IL13RA2: variants seen among roughly 807,000 people sequenced by gnomAD.
IL13RA2 encodes the protein interleukin-13 receptor subunit alpha-2.
IL13RA2 carries 25 observed loss-of-function variants against 34.1 expected under a neutral mutation model. That is an observed-to-expected ratio of 0.73 (90% CI 0.53 to 1.03). IL13RA2 has a LOEUF of 1.03. Among genes scored for constraint, IL13RA2 ranks in the 50% least tolerant of loss-of-function variants. IL13RA2 has a pLI of 0.00. For synonymous variants in IL13RA2, 106 were observed against 100.4 expected (o/e 1.06, Z -0.33); for missense variants, 297 against 280.9 (o/e 1.06, Z -0.41).
intron 7 of IL13RA2, among the ~76,000 whole-genome samples, 164 bp downstream of exon 7, chrX:115,009,357 A>G (rs1409357242): frequency 8.9e-6 from 1 of 111,771 alleles, no homozygotes; most frequent in Non-Finnish European, 1.9e-5. Flanking sequence ...GGTATCATTC[A>G]TTATACTTTT....
Position 115,017,202 on chromosome X carries a change from G to A in IL13RA2, c.68C>T (p.Thr23Ile). 2 of 934,303 alleles carry A rather than the reference G, an allele frequency of 2.1e-6. No homozygotes were observed. The highest frequency in any genetic ancestry group is 2.0e-5 in the African/African-American group (1 of 51,228). 77.0% of individuals were successfully genotyped at this position (934,303 alleles called of 1,213,427 possible). ...TTTTATCTCGGTGTCTGAAGATGAA[G>A]TACAGCCAAATGTTGTGCTTATCAG... Reference protein sequence around the residue: ...TFLISTTFGCTSSSDTEIKVN... With the variant: ...TFLISTTFGCISSSDTEIKVN... Residue 23 changes from threonine (T) to isoleucine (I), a missense_variant, in exon 2 of 10, where the codon ACT becomes ATT. Coordinates refer to ENST00000243213, the MANE Select transcript of IL13RA2 (RefSeq NM_000640.3).
intron 5 of IL13RA2, among the ~76,000 whole-genome samples, chrX:115,013,060 G>A: frequency 9.0e-6 from 1 of 111,456 alleles, no homozygotes. Flanking sequence ...CTGGGGCAAT[G>A]AGTAGACACA....
chrX:115,017,134 A>T, intron 2 of IL13RA2, 42 bp downstream of exon 2: 1 of 622,897 alleles, frequency 1.6e-6, no homozygotes, highest in South Asian at 2.4e-5. Flanking sequence ...ATTTAATTTT[A>T]CTTTTCCTAA....
At position 115,010,679 on chromosome X, in the gene IL13RA2, C is replaced by G. The variant is rs1556508602; in HGVS notation, c.671G>C (p.Arg224Thr). The stretch of plus-strand genomic sequence containing the variant: ...AAGCTGAAAAGTGAAATAACTGGAT[C>G]TGATAGGCTTGTTCTCTGATGATCC... Reference protein sequence around the residue: ...VNGSSENKPIRSSYFTFQLQN... With the variant: ...VNGSSENKPITSSYFTFQLQN... Residue 224 changes from arginine to threonine, a missense_variant, in exon 6 of 10, where the codon AGA (arginine) becomes ACA (threonine). By Grantham distance (71) the Arg-to-Thr change is moderately conservative. Transcript: ENST00000243213. The G allele has an allele frequency of 9.0e-6, 9 of 1,003,099 alleles. No homozygotes were observed. The highest frequency in any genetic ancestry group is 6.4e-5 in the South Asian group (3 of 46,913). 82.7% of individuals were successfully genotyped at this position (1,003,099 alleles called of 1,213,427 possible).
Position 115,009,631 on chromosome X carries a change from G to T in IL13RA2, c.742C>A (p.Arg248=). The change falls in exon 7 of 10, where the codon CGG becomes AGG. Residue 248 remains arginine (R), a synonymous_variant. Transcript: ENST00000243213. ...PLPPVYLTFT[R]ESSCEIKLKW... Reference sequence around the variant, plus strand: ...AGCTTAATTTCACATGAACTCTCCCGAGTAAAAGTAAGATAGACTGGCGGC... The same window carrying T: ...AGCTTAATTTCACATGAACTCTCCCTAGTAAAAGTAAGATAGACTGGCGGC... The T allele has an allele frequency of 4.2e-6, 5 of 1,204,493 alleles. No individual in the cohort carries two copies. Among genetic ancestry groups the T allele is most frequent in the Non-Finnish European group, 5.6e-6 (5 of 889,331 alleles).
At chrX:115,017,387 T>C in intron 1 of IL13RA2, 85 bp from the exon 2 acceptor site, 2 of 476,739 alleles carry the variant, frequency 4.2e-6, no homozygotes, top group Non-Finnish European at 3.7e-6. Flanking sequence ...TGGAAAGCTC[T>C]CTGTGTGCTT....
intron 5 of IL13RA2, among the ~76,000 whole-genome samples, chrX:115,012,187 C>A (rs1350728426): frequency 8.9e-6 from 1 of 112,021 alleles, no homozygotes; most frequent in African/African-American, 3.2e-5. Context: ...CTAGAACTCA[C>A]CAATAGTAAT....
At chrX:115,017,515 A>T (rs1556510479) in intron 1 of IL13RA2, 38 bp downstream of exon 1, 1 of 289,728 alleles carries the variant, frequency 3.5e-6, no homozygotes, top group East Asian at 7.8e-5. Flanking sequence ...TTACAAGAAT[A>T]AAAACAAAGC....
At position 115,005,340 on chromosome X, in the gene IL13RA2, G is replaced by C. The variant is rs782223492; in HGVS notation, c.998-25C>G. The C allele has an allele frequency of 1.4e-5, 10 of 692,259 alleles. No homozygotes were observed. The South Asian group carries it at 2.0e-4, about 14-fold the overall frequency. 57.0% of individuals were successfully genotyped at this position (692,259 alleles called of 1,213,427 possible). A position where few individuals can be genotyped will look rare whatever the true frequency, so the allele number is the denominator to read the frequency against. On this transcript the variant is annotated intron_variant, in intron 8 of 9. Coordinates refer to ENST00000243213, the MANE Select transcript of IL13RA2 (RefSeq NM_000640.3). ...CCTAGGATTAAAAATCACACGGAAA[G>C]GGGAAGTGTTAGACATTTGCCACTA...
Position 115,013,845 on chromosome X carries a change from T to C in IL13RA2, c.445A>G (p.Asn149Asp). ...CAAGAACAGAGTAAATATTGCCAAT[T>C]GTAATATACGCAATCCATATCCTGA... ...KVQDMDCVYY[N>D]WQYLLCSWKP... The change falls in exon 5 of 10, where the codon AAT (asparagine) becomes GAT (aspartate). Residue 149 changes from asparagine (N) to aspartate (D), a missense_variant. Coordinates refer to ENST00000243213, the MANE Select transcript of IL13RA2 (RefSeq NM_000640.3). The C allele has an allele frequency of 1.0e-6, 1 of 994,134 alleles. No homozygotes were observed. Among genetic ancestry groups the C allele is most frequent in the African/African-American group, 1.9e-5 (1 of 53,281 alleles). 81.9% of individuals were successfully genotyped at this position (994,134 alleles called of 1,213,427 possible).
intron 8 of IL13RA2, among the ~76,000 whole-genome samples, chrX:115,005,945 C>T (rs1023621678): frequency 1.8e-5 from 2 of 111,875 alleles, no homozygotes; most frequent in Non-Finnish European, 3.8e-5. Context: ...AAAAAGCAGA[C>T]GAAGTTTGGT....
rs1556508647 is a variant in IL13RA2, at chrX:115,010,812, G to C, written c.538C>G (p.His180Asp). The C allele has an allele frequency of 1.9e-6, 2 of 1,071,211 alleles. No individual in the cohort carries two copies. The highest frequency in any genetic ancestry group is 1.2e-6 in the Non-Finnish European group (1 of 802,470). The allele number at this position is 1,071,211 out of a possible 1,213,427, so 88.3% of individuals were successfully genotyped here. ...ATGTAATCAACACACTGTAATGCATGATCCAAGCCCTCATACCTGTAAAAT... is the reference window on the plus strand; with the variant it reads ...ATGTAATCAACACACTGTAATGCATCATCCAAGCCCTCATACCTGTAAAAT... Reference protein sequence around the residue: ...NLFYWYEGLDHALQCVDYIKA... With the variant: ...NLFYWYEGLDDALQCVDYIKA... The change falls in exon 6 of 10, where the codon CAT (histidine) becomes GAT (aspartate). Residue 180 changes from histidine to aspartate, a missense_variant. Coordinates refer to ENST00000243213, the MANE Select transcript of IL13RA2 (RefSeq NM_000640.3).
intron 9 of IL13RA2, 146 bp from the exon 10 acceptor site, chrX:115,004,252 A>C: frequency 2.6e-6 from 1 of 388,913 alleles, no homozygotes; most frequent in Non-Finnish European, 4.5e-6. Flanking sequence ...CTATCTTGAA[A>C]AGATATGGCA....
chrX:115,005,310 C>T lies in IL13RA2; in HGVS notation c.1003G>A (p.Asp335Asn). 2 of 911,039 alleles carry T rather than the reference C, an allele frequency of 2.2e-6. 1 individual carries two copies. Among genetic ancestry groups the T allele is most frequent in the South Asian group, 4.0e-5 (2 of 50,252 alleles). The allele number at this position is 911,039 out of a possible 1,213,427, so 75.1% of individuals were successfully genotyped here. ...CGTAGCAAAGTTTTCTTCGATAGGT[C>T]TTCACCTAGGATTAAAAATCACACG... ...WSDKQCWEGE[D>N]LSKKTLLRFW... Residue 335 changes from aspartate (D) to asparagine (N), a missense_variant, in exon 9 of 10, where the codon GAC becomes AAC. Asp to Asn is a conservative substitution (Grantham distance 23). Coordinates refer to ENST00000243213, the MANE Select transcript of IL13RA2 (RefSeq NM_000640.3).
At chrX:115,005,555 TC>T in intron 8 of IL13RA2, among the ~76,000 whole-genome samples, 1 of 112,216 alleles carries the variant, frequency 8.9e-6, no homozygotes, top group Non-Finnish European at 1.9e-5. Context: ...AAAAATAACT[TC>T]CCCAAACACA....
chrX:115,013,663 G>T, intron 5 of IL13RA2, 106 bp downstream of exon 5: 1 of 478,949 alleles, frequency 2.1e-6, no homozygotes, highest in South Asian at 3.5e-5. Context: ...ATACAACTCT[G>T]ACAAGTATAA....
In IL13RA2 at chrX:115,005,241, C is replaced by T; in HGVS notation, c.1072G>A (p.Val358Ile). Residue 358 changes from valine (V) to isoleucine (I), a missense_variant, in exon 9 of 10, where the codon GTA (valine) becomes ATA (isoleucine). Transcript: ENST00000243213. The stretch of plus-strand genomic sequence containing the variant: ...GGCTTACGCAAAAGCAGACCGGTTA[C>T]AAATATAACTAATATTAAGATGAAA... Reference protein sequence around the residue: ...FGFILILVIFVTGLLLRKPNT... With the variant: ...FGFILILVIFITGLLLRKPNT... The T allele has an allele frequency of 8.7e-7, 1 of 1,144,029 alleles. No individual in the cohort carries two copies. Among genetic ancestry groups the T allele is most frequent in the South Asian group, 1.8e-5 (1 of 55,491 alleles). 94.3% of individuals were successfully genotyped at this position (1,144,029 alleles called of 1,213,427 possible).
At chrX:115,012,054 G>T (rs782510195) in intron 5 of IL13RA2, among the ~76,000 whole-genome samples, 29 of 112,119 alleles carry the variant, frequency 2.6e-4, no homozygotes, top group African/African-American at 9.4e-4. Flanking sequence ...ACTTGCCCAA[G>T]GCCGCCAAGT....
intron 9 of IL13RA2, 90 bp from the exon 10 acceptor site, chrX:115,004,196 A>G (rs1312309643): frequency 1.6e-5 from 8 of 509,762 alleles, no homozygotes; most frequent in African/African-American, 2.4e-5. Flanking sequence ...GCACAAGAGC[A>G]TTCAGCAAAC....
Sources: gnomAD v4.1 joint callset for allele counts (sites outside exome capture counted in the v4.1 genomes callset) on GRCh38, gnomAD v4.1.1 for gene constraint, MANE v1.5 for transcripts, NCBI Gene and HGNC (gene_info 2026-07-23, HGNC 2026-07-21) for gene names.